Variants in MAFG observed in about 807,000 individuals in gnomAD.
MAFG encodes MAF bZIP transcription factor G, also known as transcription factor MafG.
A neutral mutation model predicts 12.2 loss-of-function variants in MAFG; 3 were observed. That is an observed-to-expected ratio of 0.25 (90% CI 0.11 to 0.64). The LOEUF (loss-of-function observed/expected upper bound fraction) is 0.64, where lower values mean the gene tolerates loss of function less well. Ranked by LOEUF, MAFG falls within the 30% of genes least tolerant of loss-of-function variation. The pLI is 0.85. For missense variants in MAFG, 153 were observed against 235.5 expected (o/e 0.65, Z 2.29); for synonymous variants, 126 against 109.1 (o/e 1.15, Z -0.96).
At chr17:81,925,985 T>G in intron 1 of MAFG, among the ~76,000 whole-genome samples, 1 of 103,520 alleles carries the variant, frequency 9.7e-6, no homozygotes, top group Admixed American at 1.4e-4. Context: ...GGGTGCTCAC[T>G]GAGAATGGAC....
upstream of MAFG, chr17:81,930,032 C>T (rs2040973598): frequency 6.5e-6 from 1 of 153,860 alleles, no homozygotes; most frequent in South Asian, 1.8e-4. The surrounding 1 kb of genome is among the most constrained non-coding windows in gnomAD (Gnocchi z 4.1). Context: ...ATCCTCCCGC[C>T]CCAGGCTGCA....
rs1366393924 is a variant in MAFG, at chr17:81,927,665, C to G, written c.-167G>C. ...CGCCGCCTGCGCGGGCCGGGCCGAG[C>G]GCACTGGGAAGGCCGGGCCGGACCA... On this transcript the variant is annotated 5_prime_UTR_variant, in exon 1 of 3. Coordinates refer to ENST00000357736, the MANE Select transcript of MAFG (RefSeq NM_002359.4). 6.6e-6 allele frequency: 1 copy of G among 150,706 alleles called. No homozygotes were observed. The highest frequency in any genetic ancestry group is 2.4e-5 in the African/African-American group (1 of 40,972). The allele number at this position is 150,706 out of a possible 1,614,324, so 9.3% of individuals were successfully genotyped here. A position where few individuals can be genotyped will look rare whatever the true frequency, so the allele number is the denominator to read the frequency against.
chr17:81,926,479 C>T lies in MAFG; in HGVS notation c.-30+1049G>A, dbSNP rs766969673. On this transcript the variant is annotated intron_variant, in intron 1 of 2. Transcript: ENST00000357736. This position sits in a 1 kb window ranked among gnomAD's most constrained non-coding sequence, Gnocchi z 4.6. Reference sequence around the variant, plus strand: ...TGCCCCTGCTTCCTCCCTGCCCAGCCCACTGTCACCCAGGGCTTGGTACAC... The same window carrying T: ...TGCCCCTGCTTCCTCCCTGCCCAGCTCACTGTCACCCAGGGCTTGGTACAC... Among the ~76,000 whole-genome samples, 1 of 152,156 alleles carries T rather than the reference C, an allele frequency of 6.6e-6. No individual in the cohort carries two copies. Among genetic ancestry groups the T allele is most frequent in the Non-Finnish European group, 1.5e-5 (1 of 68,034 alleles).
chr17:81,920,272 T>C lies in MAFG; in HGVS notation c.*2333A>G, dbSNP rs1192051237. 1 of 152,260 alleles carries C rather than the reference T, an allele frequency of 6.6e-6. No homozygotes were observed. Among genetic ancestry groups the C allele is most frequent in the Non-Finnish European group, 1.5e-5 (1 of 68,052 alleles). 9.4% of individuals were successfully genotyped at this position (152,260 alleles called of 1,614,324 possible). ...CGCAGGTAGACACAGGACTTGTCTC[T>C]GAACACCTCGAGCAAAGAAAAGCTC... On this transcript the variant is annotated 3_prime_UTR_variant, in exon 3 of 3. Transcript: ENST00000357736.
rs1014621585 is a variant in MAFG at position 81,926,735 on chromosome 17, G to A, written c.-30+793C>T. On this transcript the variant is annotated intron_variant, in intron 1 of 2. Transcript: ENST00000357736. The surrounding 1 kb of genome is among the most constrained non-coding windows in gnomAD (Gnocchi z 4.6). Reference sequence around the variant, plus strand: ...GTGGACCGCCCGGGGCTTCACCTTTGACCCCGGGAGAACACCTGCAGCGAG... The same window carrying A: ...GTGGACCGCCCGGGGCTTCACCTTTAACCCCGGGAGAACACCTGCAGCGAG... 3.9e-5 allele frequency among the ~76,000 whole-genome samples: 6 copies of A among 152,030 alleles called. No individual in the cohort carries two copies. Among genetic ancestry groups the A allele is most frequent in the African/African-American group, 1.5e-4 (6 of 41,354 alleles).
chr17:81,922,548 C>A lies in MAFG; in HGVS notation c.*57G>T. ...GAAGGAAACAGAGGGACAGGGCAGC[C>A]AAATTCGCCATGTGCCTAGTGGCCC... is the stretch of plus-strand genomic sequence containing the variant. On this transcript the variant is annotated 3_prime_UTR_variant, in exon 3 of 3. Transcript: ENST00000357736. 7.6e-7 allele frequency: 1 copy of A among 1,315,162 alleles called. No homozygotes were observed. 81.5% of individuals were successfully genotyped at this position (1,315,162 alleles called of 1,614,324 possible). A position where few individuals can be genotyped will look rare whatever the true frequency, so the allele number is the denominator to read the frequency against.
intron 1 of MAFG, 35 bp downstream of exon 1, chr17:81,927,493 C>T (rs2040951432): frequency 6.8e-6 from 1 of 146,958 alleles, no homozygotes; most frequent in African/African-American, 2.5e-5. Context: ...CGCGCCGCCC[C>T]CACCGCCCGG....
Position 81,921,684 on chromosome 17 carries a change from TTTTC to T in MAFG, c.*917_*920del, listed in dbSNP as rs1306370514. On this transcript the variant is annotated 3_prime_UTR_variant, in exon 3 of 3. Coordinates refer to ENST00000357736, the MANE Select transcript of MAFG (RefSeq NM_002359.4). Reference sequence around the variant, plus strand: ...CGTAAGTTTACAAGAAAGGGATTTTTTTTCTTTTTTTTTCTTTTTTTTTTAACTA... The same window carrying T: ...CGTAAGTTTACAAGAAAGGGATTTTTTTTTTTTTTCTTTTTTTTTTAACTA... 2 of 151,036 alleles carry T rather than the reference TTTTC, an allele frequency of 1.3e-5. No individual in the cohort carries two copies. The highest frequency in any genetic ancestry group is 2.1e-4 in the South Asian group (1 of 4,816). 9.4% of individuals were successfully genotyped at this position (151,036 alleles called of 1,614,324 possible).
At chr17:81,927,756 CCATT>C (rs1337288324), upstream of MAFG, 1 of 152,214 alleles carries the variant, frequency 6.6e-6, no homozygotes, top group African/African-American at 2.4e-5. Flanking sequence ...CACGTGGGCT[CCATT>C]CATGAAGCGG....
At chr17:81,927,785 G>C, upstream of MAFG, 1 of 152,090 alleles carries the variant, frequency 6.6e-6, no homozygotes, top group Non-Finnish European at 1.5e-5. Context: ...GCGGCCGGCC[G>C]GCGCTTAAAG....
chr17:81,925,415 G>A (rs952924705), intron 1 of MAFG, among the ~76,000 whole-genome samples: 2 of 152,218 alleles, frequency 1.3e-5, no homozygotes, highest in Non-Finnish European at 2.9e-5. Flanking sequence ...GAAACTCCCC[G>A]GCAGTCATGG....
chr17:81,929,550 C>G (rs2040968225), upstream of MAFG: 1 of 152,362 alleles, frequency 6.6e-6, no homozygotes, highest in African/African-American at 2.4e-5. The surrounding 1 kb of genome is among the most constrained non-coding windows in gnomAD (Gnocchi z 5.7). Flanking sequence ...TCCCCAGCGG[C>G]TCCTGGCCAG....
rs971469385 is a variant in MAFG, at chr17:81,921,156, G to A, written c.*1449C>T. 1 of 152,288 alleles carries A rather than the reference G, an allele frequency of 6.6e-6. No homozygotes were observed. Among genetic ancestry groups the A allele is most frequent in the Non-Finnish European group, 1.5e-5 (1 of 68,128 alleles). The allele number at this position is 152,288 out of a possible 1,614,324, so 9.4% of individuals were successfully genotyped here. A position where few individuals can be genotyped will look rare whatever the true frequency, so the allele number is the denominator to read the frequency against. ...CTACCCCGCCACTAGATCAGCCCAAGCCCTAGACACAGATGTAGCCAAGGC... is the reference window on the plus strand; with the variant it reads ...CTACCCCGCCACTAGATCAGCCCAAACCCTAGACACAGATGTAGCCAAGGC... On this transcript the variant is annotated 3_prime_UTR_variant, in exon 3 of 3. Transcript: ENST00000357736.
rs773319322 is a variant in MAFG, at chr17:81,923,210, G to A, written c.-25C>T. On this transcript the variant is annotated 5_prime_UTR_variant, in exon 2 of 3. Transcript: ENST00000357736. ...TAACCCGGGGGCACAGCGAGCAGGC[G>A]CTCTCTGCAAGACACGGAGCAGGTC... 36 of 1,571,178 alleles carry A rather than the reference G, an allele frequency of 2.3e-5. No homozygotes were observed. The highest frequency in any genetic ancestry group is 4.6e-5 in the East Asian group (2 of 43,708).
chr17:81,922,701 GC>G lies in MAFG; in HGVS notation c.392del (p.Gly131AlafsTer23). ...VARSPVAPAR[G>X]PLAAGLGPLV... ...GGGGCCCCAGGCCGGCGGCAAGGGG[GC>G]CCCGGGCTGGCGCCACGGGGCTGCG... On this transcript the variant is annotated frameshift_variant, in exon 3 of 3. Coordinates refer to ENST00000357736, the MANE Select transcript of MAFG (RefSeq NM_002359.4). LOFTEE classifies it high-confidence loss of function. The G allele has an allele frequency of 6.6e-7, 1 of 1,522,454 alleles. No homozygotes were observed. Among genetic ancestry groups the G allele is most frequent in the Non-Finnish European group, 8.8e-7 (1 of 1,139,442 alleles). 94.3% of individuals were successfully genotyped at this position (1,522,454 alleles called of 1,614,324 possible). A position where few individuals can be genotyped will look rare whatever the true frequency, so the allele number is the denominator to read the frequency against.
rs1310405329 is a variant in MAFG at position 81,924,758 on chromosome 17, G to A, written c.-29-1544C>T. 2.6e-5 allele frequency among the ~76,000 whole-genome samples: 4 copies of A among 152,152 alleles called. No homozygotes were observed. The highest frequency in any genetic ancestry group is 3.2e-3 in the Middle Eastern group (1 of 316). Reference sequence around the variant, plus strand: ...CACAGGAGCCCTTTCCTACACGTCCGGCACAACACTGCCCCAGGAGACAGG... The same window carrying A: ...CACAGGAGCCCTTTCCTACACGTCCAGCACAACACTGCCCCAGGAGACAGG... On this transcript the variant is annotated intron_variant, in intron 1 of 2. Coordinates refer to ENST00000357736, the MANE Select transcript of MAFG (RefSeq NM_002359.4). This position sits in a 1 kb window ranked among gnomAD's most constrained non-coding sequence, Gnocchi z 4.7.
At position 81,922,515 on chromosome 17, in the gene MAFG, AGAG is replaced by A; in HGVS notation, c.*87_*89del. The A allele has an allele frequency of 9.7e-7, 1 of 1,026,524 alleles. No individual in the cohort carries two copies. Among genetic ancestry groups the A allele is most frequent in the Admixed American group, 3.7e-5 (1 of 26,672 alleles). The allele number at this position is 1,026,524 out of a possible 1,614,324, so 63.6% of individuals were successfully genotyped here. ...GAAGGGTGGGGAAGAGAGGGAGGAA[AGAG>A]AAGAGAAGGAAACAGAGGGACAGGG... On this transcript the variant is annotated 3_prime_UTR_variant, in exon 3 of 3. Coordinates refer to ENST00000357736, the MANE Select transcript of MAFG (RefSeq NM_002359.4).
upstream of MAFG, chr17:81,929,910 C>G (rs964895052): frequency 1.4e-5 from 2 of 147,824 alleles, no homozygotes; most frequent in African/African-American, 5.5e-5. This position sits in a 1 kb window ranked among gnomAD's most constrained non-coding sequence, Gnocchi z 5.7. Context: ...GGGCACCCTC[C>G]CGCCCCAGGC....
upstream of MAFG, chr17:81,929,881 G>A (rs540024746): frequency 0.019 from 2,312 of 120,030 alleles, 79 homozygotes; most frequent in African/African-American, 0.076. The surrounding 1 kb of genome is among the most constrained non-coding windows in gnomAD (Gnocchi z 5.7). Context: ...TGTGGGACTG[G>A]CCCCCGCAGG....
Sources: allele counts gnomAD v4.1 joint callset (sites outside exome capture counted in the v4.1 genomes callset), GRCh38; gene constraint gnomAD v4.1.1; non-coding constraint Gnocchi (gnomAD v3.1); transcripts MANE v1.5; gene names NCBI Gene and HGNC (gene_info 2026-07-23, HGNC 2026-07-21).